Variants in DYM observed in about 807,000 individuals in gnomAD.
The protein encoded by DYM is dyggve-Melchior-Clausen syndrome protein.
In DYM, 78 loss-of-function variants were observed where a neutral mutation model predicts 93.1. That is an observed-to-expected ratio of 0.84 (90% CI 0.70 to 1.01). The LOEUF (loss-of-function observed/expected upper bound fraction) is 1.01. Among genes scored for constraint, DYM ranks in the 50% least tolerant of loss-of-function variants. The pLI, the probability that DYM is intolerant of heterozygous loss-of-function variation, is 0.00. For synonymous variants in DYM, 321 were observed against 319.7 expected, an observed-to-expected ratio of 1.00 and a Z score of -0.04; for missense variants, 789 against 845.0, an observed-to-expected ratio of 0.93 and a Z score of 0.82.
At chr18:49,382,878 T>C (rs746931686) in intron 3 of DYM, among the ~76,000 whole-genome samples, 8 of 152,214 alleles carry the variant, frequency 5.3e-5, no homozygotes, top group Non-Finnish European at 1.2e-4. Context: ...ATAAGGGTAT[T>C]GTAGACAGGA....
intron 17 of DYM, among the ~76,000 whole-genome samples, chr18:49,082,389 G>T (rs926756551): frequency 9.2e-5 from 14 of 152,188 alleles, no homozygotes; most frequent in Admixed American, 6.5e-5. Flanking sequence ...TCTGTAGGGT[G>T]TATTATCTGG....
rs376725181 is a variant in DYM, at chr18:49,315,347, T to C, written c.763+16517A>G. On this transcript the variant is annotated intron_variant, in intron 8 of 17. Transcript: ENST00000675505. ...TTTATCATTCAATATCAGAACTACA[T>C]CTAACCTGCCTACCGGGTATGGGAG... Among the ~76,000 whole-genome samples, 24 of 152,262 alleles carry C rather than the reference T, an allele frequency of 1.6e-4. No individual in the cohort carries two copies. In the East Asian group the frequency reaches 2.5e-3, roughly 16 times the overall value.
chr18:49,218,281 CTTAG>C (rs2093175314), intron 13 of DYM, among the ~76,000 whole-genome samples: 1 of 152,174 alleles, frequency 6.6e-6, no homozygotes, highest in African/African-American at 2.4e-5. Context: ...TACAAAGAGA[CTTAG>C]ACTCCCACAC....
intron 8 of DYM, among the ~76,000 whole-genome samples, chr18:49,323,224 A>C (rs1396867088): frequency 1.3e-5 from 2 of 152,210 alleles, no homozygotes; most frequent in Non-Finnish European, 2.9e-5. Flanking sequence ...ACAAGTTAGC[A>C]GGGTTAGAAT....
At chr18:49,299,022 A>G (rs1378678920) in intron 8 of DYM, among the ~76,000 whole-genome samples, 1 of 152,226 alleles carries the variant, frequency 6.6e-6, no homozygotes, top group Non-Finnish European at 1.5e-5. Flanking sequence ...CTGTGAGCTC[A>G]GAGGGGCAGA....
intron 14 of DYM, among the ~76,000 whole-genome samples, chr18:49,183,577 T>C (rs2090133285): frequency 6.6e-6 from 1 of 152,206 alleles, no homozygotes; most frequent in African/African-American, 2.4e-5. Context: ...AAGTTAATTA[T>C]ATACATTTTA....
chr18:49,290,890 C>T (rs187765243), intron 8 of DYM, among the ~76,000 whole-genome samples: 1 of 152,030 alleles, frequency 6.6e-6, no homozygotes, highest in Non-Finnish European at 1.5e-5. Flanking sequence ...GCATAATAAG[C>T]AATTAAAAAT....
At chr18:49,370,454 A>C (rs1300428654) in intron 5 of DYM, among the ~76,000 whole-genome samples, 6 of 152,090 alleles carry the variant, frequency 3.9e-5, no homozygotes, top group Non-Finnish European at 8.8e-5. Context: ...TTAAAAAATA[A>C]ATAAACAAAA....
chr18:49,215,597 T>C (rs2092994839), intron 13 of DYM, among the ~76,000 whole-genome samples: 1 of 152,224 alleles, frequency 6.6e-6, no homozygotes, highest in Admixed American at 6.5e-5. Flanking sequence ...ATTCTAGATG[T>C]GTCATGTTTT....
In DYM at chr18:49,038,702, T is replaced by C. The variant is rs954390418; in HGVS notation, c.*5353A>G. 3.9e-5 allele frequency among the ~76,000 whole-genome samples: 6 copies of C among 152,228 alleles called. No homozygotes were observed. Among genetic ancestry groups the C allele is most frequent in the Non-Finnish European group, 8.8e-5 (6 of 68,024 alleles). Reference sequence around the variant, plus strand: ...TTGTTCCACCTGTTCTGCTTTTTCTTCTTTCTTAGACTCTTTTGCAATTCT... The same window carrying C: ...TTGTTCCACCTGTTCTGCTTTTTCTCCTTTCTTAGACTCTTTTGCAATTCT... On this transcript the variant is annotated 3_prime_UTR_variant, in exon 18 of 18. Coordinates refer to ENST00000675505, the MANE Select transcript of DYM (RefSeq NM_001353214.3).
intron 2 of DYM, among the ~76,000 whole-genome samples, chr18:49,404,617 T>C (rs566138199): frequency 1.1e-4 from 16 of 152,286 alleles, no homozygotes; most frequent in African/African-American, 3.8e-4. Flanking sequence ...CCATTCTGAC[T>C]GGTGTGAGAT....
At chr18:49,320,166 G>A (rs1258609722) in intron 8 of DYM, among the ~76,000 whole-genome samples, 1 of 152,066 alleles carries the variant, frequency 6.6e-6, no homozygotes, top group Non-Finnish European at 1.5e-5. Flanking sequence ...TAGCACTTCT[G>A]GAAGGACTAA....
chr18:49,164,325 A>G (rs2087589966), intron 14 of DYM, among the ~76,000 whole-genome samples: 1 of 152,144 alleles, frequency 6.6e-6, no homozygotes, highest in Admixed American at 6.6e-5. Flanking sequence ...TCCTGCTATC[A>G]CTAACTGAAA....
At chr18:49,328,006 C>T (rs1048357333) in intron 8 of DYM, among the ~76,000 whole-genome samples, 2 of 152,160 alleles carry the variant, frequency 1.3e-5, no homozygotes, top group African/African-American at 2.4e-5. Context: ...ATGAACTGAG[C>T]TTAAATTAAC....
intron 17 of DYM, among the ~76,000 whole-genome samples, chr18:49,050,624 T>C (rs2072303792): frequency 6.6e-6 from 1 of 151,988 alleles, no homozygotes; most frequent in Admixed American, 6.6e-5. Context: ...AGCCTTCTGC[T>C]TGAAGTTCAC....
chr18:49,389,823 C>G lies in DYM; in HGVS notation c.193+1770G>C, dbSNP rs1017631209. ...GTATTACAGGCATGAGCCACCACTC[C>G]CAGCTACTTTCAGTTTTCTTAATGT... On this transcript the variant is annotated intron_variant, in intron 3 of 17. Coordinates refer to ENST00000675505, the MANE Select transcript of DYM (RefSeq NM_001353214.3). Among the ~76,000 whole-genome samples, 5 of 152,062 alleles carry G rather than the reference C, an allele frequency of 3.3e-5. No homozygotes were observed. The South Asian group carries it at 6.2e-4, about 19-fold the overall frequency.
intron 15 of DYM, among the ~76,000 whole-genome samples, chr18:49,160,718 C>A (rs1408967171): frequency 1.3e-5 from 2 of 152,074 alleles, no homozygotes; most frequent in East Asian, 3.8e-4. Context: ...GGCAAAGGTA[C>A]TTAAGTAAAA....
At chr18:49,121,260 T>G (rs940151089) in intron 15 of DYM, among the ~76,000 whole-genome samples, 6 of 152,122 alleles carry the variant, frequency 3.9e-5, no homozygotes, top group Non-Finnish European at 8.8e-5. Flanking sequence ...GAAGAATGCC[T>G]TAAATAGGTT....
At chr18:49,217,618 G>A (rs1055200764) in intron 13 of DYM, among the ~76,000 whole-genome samples, 1 of 152,182 alleles carries the variant, frequency 6.6e-6, no homozygotes, top group African/African-American at 2.4e-5. Context: ...TTAAAGAAAA[G>A]AATTTTCAAC....
Sources: gnomAD v4.1 joint callset for allele counts (sites outside exome capture counted in the v4.1 genomes callset) on GRCh38, gnomAD v4.1.1 for gene constraint, MANE v1.5 for transcripts, NCBI Gene and HGNC (gene_info 2026-07-23, HGNC 2026-07-21) for gene names.